The following SLC6A11 variants were observed in gnomAD, a reference collection of about 807,000 sequenced individuals.
SLC6A11 encodes the protein sodium- and chloride-dependent GABA transporter 3.
A neutral mutation model predicts 74.8 loss-of-function variants in SLC6A11; 25 were observed. The ratio of observed to expected loss-of-function variants is 0.33; its 90% CI spans 0.24 to 0.47. SLC6A11 has a LOEUF of 0.47. Among genes scored for constraint, SLC6A11 ranks in the 20% least tolerant of loss-of-function variants. The pLI is 1.00. For missense variants in SLC6A11, 574 were observed against 837.0 expected (o/e 0.69, Z 3.88); for synonymous variants, 330 against 330.2 (o/e 1.00, Z 0.01).
In SLC6A11 at chr3:10,887,472, G is replaced by A. The variant is rs934555946; in HGVS notation, c.891+12377G>A. 3.9e-5 allele frequency among the ~76,000 whole-genome samples: 6 copies of A among 152,224 alleles called. No homozygotes were observed. The East Asian group carries it at 7.7e-4, about 20-fold the overall frequency. On this transcript the variant is annotated intron_variant, in intron 6 of 13. Transcript: ENST00000254488. ...TCTTTTTTTTCTTTTTTGAGATGGA[G>A]TCTCACTCTGTCACCCAGGCTGGAG...
chr3:10,823,549 G>C (rs1379011789), intron 4 of SLC6A11, 157 bp downstream of exon 4: 1 of 609,022 alleles, frequency 1.6e-6, no homozygotes, highest in Non-Finnish European at 3.0e-6. Context: ...AAGCAAGAGT[G>C]CAGATCTTCA....
chr3:10,939,341 T>G lies in SLC6A11; in HGVS notation c.*939T>G, dbSNP rs995524940. 7 of 152,258 alleles carry G rather than the reference T, an allele frequency of 4.6e-5. No homozygotes were observed. Among genetic ancestry groups the G allele is most frequent in the African/African-American group, 1.7e-4 (7 of 41,450 alleles). 9.4% of individuals were successfully genotyped at this position (152,258 alleles called of 1,614,324 possible). A position where few individuals can be genotyped will look rare whatever the true frequency, so the allele number is the denominator to read the frequency against. On this transcript the variant is annotated 3_prime_UTR_variant, in exon 14 of 14. Transcript: ENST00000254488. ...CTCTGTCTGGCCTGCCTTTTTTTCCTGGTCAGCTGCTCTTAGCGCCGGCTC... is the reference window on the plus strand; with the variant it reads ...CTCTGTCTGGCCTGCCTTTTTTTCCGGGTCAGCTGCTCTTAGCGCCGGCTC...
chr3:10,902,694 T>A (rs571750486), intron 6 of SLC6A11, among the ~76,000 whole-genome samples: 2 of 152,210 alleles, frequency 1.3e-5, no homozygotes, highest in African/African-American at 4.8e-5. Flanking sequence ...TTCATTAAGC[T>A]CCTGCAAGGC....
intron 5 of SLC6A11, among the ~76,000 whole-genome samples, chr3:10,861,197 G>T (rs1575679442): frequency 6.6e-6 from 1 of 152,282 alleles, no homozygotes; most frequent in Non-Finnish European, 1.5e-5. Context: ...TTGATTGATT[G>T]GTTATTTGAT....
chr3:10,841,307 G>C (rs1375187982), intron 4 of SLC6A11, among the ~76,000 whole-genome samples: 1 of 152,078 alleles, frequency 6.6e-6, no homozygotes, highest in Non-Finnish European at 1.5e-5. Context: ...CATTAAGAAA[G>C]CTTTTTCCCA....
In SLC6A11 at chr3:10,827,946, C is replaced by T. The variant is rs551218478; in HGVS notation, c.623+4554C>T. Among the ~76,000 whole-genome samples the T allele has an allele frequency of 6.3e-4, 96 of 152,338 alleles. 1 individual carries two copies. In the East Asian group the frequency reaches 0.013, roughly 21 times the overall value. On this transcript the variant is annotated intron_variant, in intron 4 of 13. Coordinates refer to ENST00000254488, the MANE Select transcript of SLC6A11 (RefSeq NM_014229.3). ...CCTACATCAGTCCTGGATTCTGACT[C>T]TTATGGGGGTCCTACAGGGCCAGGG...
chr3:10,866,978 GGTA>G (rs1353790942), intron 5 of SLC6A11, among the ~76,000 whole-genome samples: 4 of 152,170 alleles, frequency 2.6e-5, no homozygotes, highest in Non-Finnish European at 5.9e-5. Context: ...TGGGAATGCA[GGTA>G]GTAGTCTCTA....
chr3:10,916,968 C>T (rs1420352633), intron 7 of SLC6A11, among the ~76,000 whole-genome samples: 3 of 152,076 alleles, frequency 2.0e-5, no homozygotes, highest in Non-Finnish European at 2.9e-5. Flanking sequence ...ATTAATGTAA[C>T]CTTTGGTTGC....
chr3:10,844,690 A>C (rs1029863814), intron 5 of SLC6A11, among the ~76,000 whole-genome samples: 2 of 152,190 alleles, frequency 1.3e-5, no homozygotes, highest in African/African-American at 4.8e-5. Flanking sequence ...GGTAATGAAG[A>C]CAGGGTTCTA....
chr3:10,910,819 AT>A (rs67011478), intron 6 of SLC6A11, among the ~76,000 whole-genome samples: 9,805 of 126,254 alleles, frequency 0.078, 505 homozygotes, highest in East Asian at 0.29. Context: ...GTTGCTGTGA[AT>A]TTTTTTTTTT....
intron 4 of SLC6A11, among the ~76,000 whole-genome samples, chr3:10,826,884 A>T (rs527730374): frequency 2.0e-5 from 3 of 152,242 alleles, no homozygotes; most frequent in South Asian, 2.1e-4. Flanking sequence ...GTGCATCCTC[A>T]TCGGTATAGA....
chr3:10,885,629 G>A (rs555999879), intron 6 of SLC6A11, among the ~76,000 whole-genome samples: 1 of 151,096 alleles, frequency 6.6e-6, no homozygotes, highest in East Asian at 1.9e-4. Flanking sequence ...GGTCCCAGAT[G>A]TCTGTAGTGC....
intron 4 of SLC6A11, among the ~76,000 whole-genome samples, chr3:10,836,795 G>A (rs1165812236): frequency 1.3e-5 from 2 of 152,222 alleles, no homozygotes; most frequent in Non-Finnish European, 1.5e-5. Flanking sequence ...TCTTTGGGAA[G>A]CATTAGCCTA....
chr3:10,914,729 A>G (rs1695432694), intron 7 of SLC6A11, among the ~76,000 whole-genome samples: 1 of 152,184 alleles, frequency 6.6e-6, no homozygotes, highest in Non-Finnish European at 1.5e-5. Context: ...AACCATGGAC[A>G]GGAAGAGAGA....
chr3:10,876,537 G>T (rs1455131374), intron 6 of SLC6A11, among the ~76,000 whole-genome samples: 2 of 152,096 alleles, frequency 1.3e-5, no homozygotes, highest in Non-Finnish European at 2.9e-5. Flanking sequence ...GTGTCACCCA[G>T]AGTTTCCAAA....
chr3:10,934,003 C>T (rs955887486), intron 11 of SLC6A11, 63 bp from the exon 12 acceptor site: 1 of 1,116,484 alleles, frequency 9.0e-7, no homozygotes, highest in Non-Finnish European at 1.4e-6. Context: ...CTAGCCATTC[C>T]TCTGACTCAT....
chr3:10,936,471 G>A (rs1695760909), intron 13 of SLC6A11, among the ~76,000 whole-genome samples: 1 of 152,312 alleles, frequency 6.6e-6, no homozygotes, highest in Middle Eastern at 3.4e-3. Flanking sequence ...GGGAGTGGGG[G>A]TATGCAGAGC....
At chr3:10,938,184 G>GT in intron 13 of SLC6A11, 66 bp from the exon 14 acceptor site, 1 of 1,458,924 alleles carries the variant, frequency 6.9e-7, no homozygotes, top group East Asian at 2.3e-5. Context: ...CTTGGGAGAG[G>GT]CCACGGCAGA....
At chr3:10,826,973 T>A (rs1453464139) in intron 4 of SLC6A11, among the ~76,000 whole-genome samples, 1 of 152,236 alleles carries the variant, frequency 6.6e-6, no homozygotes, top group East Asian at 1.9e-4. Flanking sequence ...TCTATTCAGA[T>A]TGCATCTCTG....
Sources: allele counts gnomAD v4.1 joint callset (sites outside exome capture counted in the v4.1 genomes callset), GRCh38; gene constraint gnomAD v4.1.1; transcripts MANE v1.5; gene names NCBI Gene and HGNC (gene_info 2026-07-23, HGNC 2026-07-21).